The following CNGA1 variants were observed in gnomAD, a reference collection of about 807,000 sequenced individuals.
CNGA1 encodes cyclic nucleotide-gated channel alpha-1.
CNGA1 carries 53 observed loss-of-function variants against 69.7 expected under a neutral mutation model. The observed-to-expected ratio is 0.76, with a 90% confidence interval of 0.61 to 0.96. CNGA1 has a LOEUF of 0.96. Ranked by LOEUF, CNGA1 falls within the 40% of genes least tolerant of loss-of-function variation. The pLI is 0.00. For missense variants in CNGA1, 739 were observed against 811.2 expected, an observed-to-expected ratio of 0.91 and a Z score of 1.08; for synonymous variants, 249 against 283.5, an observed-to-expected ratio of 0.88 and a Z score of 1.22.
At chr4:47,955,036 A>G (rs1739979479) in intron 3 of CNGA1, among the ~76,000 whole-genome samples, 3 of 152,124 alleles carry the variant, frequency 2.0e-5, no homozygotes, top group South Asian at 2.1e-4. Flanking sequence ...CGACTGTAAT[A>G]GTTGTTAAAT....
At chr4:48,011,427 ACAC>A (rs1482979205) in intron 1 of CNGA1, among the ~76,000 whole-genome samples, 13 of 151,818 alleles carry the variant, frequency 8.6e-5, no homozygotes, top group Non-Finnish European at 1.2e-4. Flanking sequence ...ACACACACAC[ACAC>A]ATCTTGGATG....
intron 2 of CNGA1, among the ~76,000 whole-genome samples, chr4:47,996,723 T>C (rs1015858893): frequency 6.6e-6 from 1 of 152,106 alleles, no homozygotes; most frequent in Non-Finnish European, 1.5e-5. Context: ...AAAAAAATTA[T>C]TGGGGAAGAG....
At chr4:48,011,829 C>T (rs1267063635) in intron 1 of CNGA1, among the ~76,000 whole-genome samples, 3 of 152,094 alleles carry the variant, frequency 2.0e-5, no homozygotes, top group Non-Finnish European at 4.4e-5. Context: ...ACACGGGATT[C>T]ATAGAAAGGG....
At chr4:48,003,118 T>C (rs1273694244) in intron 2 of CNGA1, among the ~76,000 whole-genome samples, 1 of 152,144 alleles carries the variant, frequency 6.6e-6, no homozygotes, top group Non-Finnish European at 1.5e-5. Context: ...CTGGGTTTTA[T>C]ACATTCTAGG....
intron 2 of CNGA1, among the ~76,000 whole-genome samples, chr4:48,003,987 G>A (rs1361493700): frequency 6.6e-6 from 1 of 152,196 alleles, no homozygotes. Context: ...GTTATCCAGA[G>A]GCCTAACCAT....
chr4:47,978,124 C>A (rs1741514003), intron 3 of CNGA1, among the ~76,000 whole-genome samples: 1 of 152,156 alleles, frequency 6.6e-6, no homozygotes, highest in South Asian at 2.1e-4. Flanking sequence ...CCGCGCCCAG[C>A]CCTAAGTGAT....
chr4:47,992,044 G>C (rs904469252), intron 2 of CNGA1, among the ~76,000 whole-genome samples: 3 of 152,096 alleles, frequency 2.0e-5, no homozygotes, highest in Non-Finnish European at 4.4e-5. Flanking sequence ...TTTTATGCCA[G>C]TATCATGCTG....
intron 6 of CNGA1, among the ~76,000 whole-genome samples, chr4:47,945,686 T>A (rs556954693): frequency 6.6e-6 from 1 of 152,196 alleles, no homozygotes; most frequent in Non-Finnish European, 1.5e-5. Flanking sequence ...AATTCTTGAA[T>A]ATAAAAGTAG....
At chr4:48,016,081 T>C (rs768227469) in intron 1 of CNGA1, among the ~76,000 whole-genome samples, 7 of 152,296 alleles carry the variant, frequency 4.6e-5, no homozygotes, top group Non-Finnish European at 5.9e-5. Context: ...TAAACATTAG[T>C]TATTAATAAT....
At chr4:47,991,368 G>A (rs1202890922) in intron 2 of CNGA1, among the ~76,000 whole-genome samples, 2 of 152,114 alleles carry the variant, frequency 1.3e-5, no homozygotes, top group African/African-American at 4.8e-5. Flanking sequence ...GAGTAAGATG[G>A]TATTGCATTT....
chr4:48,007,062 A>AG (rs1714951033), intron 2 of CNGA1, among the ~76,000 whole-genome samples: 1 of 152,244 alleles, frequency 6.6e-6, no homozygotes, highest in Non-Finnish European at 1.5e-5. Context: ...TTGAAAAAAA[A>AG]AAAGTGAAAA....
rs138332521 is a variant in CNGA1, at chr4:47,954,810, G to T, written c.-14-2107C>A. ...AAACCTTACGAGCCTTTTTGAAGGG[G>T]GGGTAAAGCTGAAGGCCCTCTGGGT... On this transcript the variant is annotated intron_variant, in intron 3 of 10. Coordinates refer to ENST00000514170, the MANE Select transcript of CNGA1 (RefSeq NM_001379270.1). Among the ~76,000 whole-genome samples, 13 of 152,336 alleles carry T rather than the reference G, an allele frequency of 8.5e-5. No individual in the cohort carries two copies. In the East Asian group the frequency reaches 2.5e-3, roughly 29 times the overall value.
intron 3 of CNGA1, among the ~76,000 whole-genome samples, chr4:47,961,215 G>A (rs1740415972): frequency 6.6e-6 from 1 of 152,206 alleles, no homozygotes; most frequent in Non-Finnish European, 1.5e-5. Context: ...GATACATTGA[G>A]TTATCTCCTC....
At chr4:47,979,551 T>C (rs945352543) in intron 3 of CNGA1, among the ~76,000 whole-genome samples, 1 of 152,190 alleles carries the variant, frequency 6.6e-6, no homozygotes, top group Non-Finnish European at 1.5e-5. Context: ...GGGGATATAG[T>C]AGAAAACAAA....
At chr4:48,004,559 A>T (rs1255793744) in intron 2 of CNGA1, among the ~76,000 whole-genome samples, 4 of 152,150 alleles carry the variant, frequency 2.6e-5, no homozygotes, top group Non-Finnish European at 4.4e-5. Flanking sequence ...AGGATGGTTT[A>T]TTCCTAGATG....
At chr4:47,956,579 A>G (rs545675026) in intron 3 of CNGA1, among the ~76,000 whole-genome samples, 1 of 152,200 alleles carries the variant, frequency 6.6e-6, no homozygotes, top group African/African-American at 2.4e-5. Context: ...AGCTCTTTCT[A>G]TTGAAAAAGG....
chr4:48,013,097 C>T (rs1560318420), intron 1 of CNGA1, among the ~76,000 whole-genome samples: 1 of 152,298 alleles, frequency 6.6e-6, no homozygotes, highest in African/African-American at 2.4e-5. Context: ...TAGATCTTGA[C>T]CAAATTTGGG....
chr4:47,945,469 A>G (rs962686572), intron 6 of CNGA1, among the ~76,000 whole-genome samples: 1 of 152,194 alleles, frequency 6.6e-6, no homozygotes, highest in Non-Finnish European at 1.5e-5. Context: ...TACATTGAAG[A>G]CTGTTTGGCA....
At chr4:48,007,536 T>C (rs561020432) in intron 2 of CNGA1, among the ~76,000 whole-genome samples, 1 of 152,294 alleles carries the variant, frequency 6.6e-6, no homozygotes, top group African/African-American at 2.4e-5. Context: ...GAGGTTTTAA[T>C]TGCTGTCGGT....
Sources: allele counts gnomAD v4.1 joint callset (sites outside exome capture counted in the v4.1 genomes callset), GRCh38; gene constraint gnomAD v4.1.1; transcripts MANE v1.5; gene names NCBI Gene and HGNC (gene_info 2026-07-23, HGNC 2026-07-21).